The following TAF3 variants were observed in gnomAD, a reference collection of about 807,000 sequenced individuals.
The protein encoded by TAF3 is TATA-box binding protein associated factor 3.
Under a neutral mutation model 80.6 loss-of-function variants are expected in TAF3, and 7 were observed. The ratio of observed to expected loss-of-function variants is 0.09; its 90% CI spans 0.05 to 0.16. TAF3 has a LOEUF of 0.16. Among genes scored for constraint, TAF3 ranks in the 10% least tolerant of loss-of-function variants. The probability of loss-of-function intolerance (pLI) is 1.00; values close to 1 mark genes in which losing one functional copy is unlikely to be tolerated. For synonymous variants in TAF3, 444 were observed against 446.1 expected, an observed-to-expected ratio of 1.00 and a Z score of 0.06; for missense variants, 921 against 1,140.2, an observed-to-expected ratio of 0.81 and a Z score of 2.77.
intron 2 of TAF3, among the ~76,000 whole-genome samples, chr10:7,937,582 G>T (rs1837932914): frequency 6.6e-6 from 1 of 152,054 alleles, no homozygotes; most frequent in Non-Finnish European, 1.5e-5. Context: ...GTATATTTAG[G>T]TGACAGTCCT....
Position 7,964,668 on chromosome 10 carries a change from G to C in TAF3, c.1158G>C (p.Thr386=). The change falls in exon 3 of 7, where the codon ACG becomes ACC. Residue 386 remains threonine, a synonymous_variant. Transcript: ENST00000344293. This position sits in a 1 kb window ranked among gnomAD's most constrained non-coding sequence, Gnocchi z 4.1. ...QPKKAVVADK[T]IEASIDAVIA... ...AAAAGGCTGTGGTAGCAGATAAAACGATTGAGGCCTCTATCGATGCTGTGA... is the reference window on the plus strand; with the variant it reads ...AAAAGGCTGTGGTAGCAGATAAAACCATTGAGGCCTCTATCGATGCTGTGA... The C allele has an allele frequency of 1.2e-6, 2 of 1,614,202 alleles. No individual in the cohort carries two copies. The highest frequency in any genetic ancestry group is 1.7e-6 in the Non-Finnish European group (2 of 1,180,038).
chr10:7,818,860 C>G lies in TAF3; in HGVS notation c.151C>G (p.Arg51Gly). 1 of 1,518,424 alleles carries G rather than the reference C, an allele frequency of 6.6e-7. No homozygotes were observed. The highest frequency in any genetic ancestry group is 1.4e-5 in the African/African-American group (1 of 69,734). The allele number at this position is 1,518,424 out of a possible 1,614,324, so 94.1% of individuals were successfully genotyped here. ...YLQQLGRGCH[R>G]YSELYGRTDP... ...GCAGCAGCTGGGCCGGGGCTGCCAT[C>G]GGTACTCTGAGCTCTGTGAGTACCG... The change falls in exon 1 of 7, where the codon CGG (arginine) becomes GGG (glycine). Residue 51 changes from arginine (R) to glycine (G), a missense_variant. Around this residue, in one of 6 missense-constraint regions of TAF3, gnomAD observed 106 missense variants for 191.8 expected, o/e 0.55. Coordinates refer to ENST00000344293, the MANE Select transcript of TAF3 (RefSeq NM_031923.4).
intron 2 of TAF3, among the ~76,000 whole-genome samples, chr10:7,938,144 A>G (rs1169761404): frequency 3.3e-5 from 5 of 152,230 alleles, no homozygotes; most frequent in Non-Finnish European, 7.3e-5. Context: ...ATAAACATAT[A>G]TTTTTAGATA....
chr10:8,004,200 G>A (rs546835969), intron 4 of TAF3, among the ~76,000 whole-genome samples: 2 of 151,972 alleles, frequency 1.3e-5, no homozygotes, highest in Non-Finnish European at 2.9e-5. Flanking sequence ...ACAGGTCTGC[G>A]CCATCACACC....
intron 4 of TAF3, among the ~76,000 whole-genome samples, chr10:7,986,265 C>G (rs931553921): frequency 6.6e-6 from 1 of 152,024 alleles, no homozygotes. Flanking sequence ...GCTCATATTT[C>G]TCCTTCAAGA....
intron 4 of TAF3, among the ~76,000 whole-genome samples, chr10:7,990,270 ATG>A (rs1266864215): frequency 6.6e-6 from 1 of 152,232 alleles, no homozygotes; most frequent in African/African-American, 2.4e-5. Context: ...AATGAACAGA[ATG>A]AGTAAATCAC....
intron 4 of TAF3, among the ~76,000 whole-genome samples, chr10:7,979,035 C>G (rs936622526): frequency 6.6e-6 from 1 of 151,926 alleles, no homozygotes; most frequent in Non-Finnish European, 1.5e-5. Context: ...GAGCCAGATC[C>G]TGTCTCTAAA....
intron 2 of TAF3, among the ~76,000 whole-genome samples, chr10:7,935,331 C>G (rs1006487983): frequency 1.5e-4 from 22 of 151,548 alleles, no homozygotes; most frequent in Non-Finnish European, 2.4e-4. Context: ...GGCGCGGTGG[C>G]TTATGCCTGT....
chr10:7,831,902 T>A (rs1836804354), intron 2 of TAF3, among the ~76,000 whole-genome samples: 2 of 151,692 alleles, frequency 1.3e-5, no homozygotes, highest in South Asian at 4.2e-4. Context: ...TAATTTTTTT[T>A]AATTATAAAA....
At chr10:7,982,702 A>G (rs914847352) in intron 4 of TAF3, among the ~76,000 whole-genome samples, 1 of 152,160 alleles carries the variant, frequency 6.6e-6, no homozygotes, top group Admixed American at 6.5e-5. Context: ...GCTTGACTGA[A>G]ATACATTTTT....
rs571334498 is a variant in TAF3 at position 7,958,709 on chromosome 10, G to A, written c.410-5211G>A. Among the ~76,000 whole-genome samples the A allele has an allele frequency of 2.5e-4, 38 of 152,306 alleles. 2 individuals are homozygous for A. Among genetic ancestry groups the A allele is most frequent in the African/African-American group, 8.7e-4 (36 of 41,558 alleles). ...CTCTTCTGAAGCAGGCGATGGCCTC[G>A]CAGGTGTTCACTGATTATTATGCTT... is the stretch of plus-strand genomic sequence containing the variant. On this transcript the variant is annotated intron_variant, in intron 2 of 6. Transcript: ENST00000344293.
chr10:7,976,765 A>G (rs747567865), intron 3 of TAF3, among the ~76,000 whole-genome samples: 14 of 152,130 alleles, frequency 9.2e-5, no homozygotes, highest in Admixed American at 2.0e-4. Context: ...TGAACAGTTG[A>G]ATGGTACAAT....
chr10:7,944,093 TTGTGTGTGTGTGTGTGTGTGTGTGTG>T (rs35219363), intron 2 of TAF3, among the ~76,000 whole-genome samples: 9 of 137,176 alleles, frequency 6.6e-5, no homozygotes, highest in African/African-American at 2.5e-4. Flanking sequence ...ATGTTCATGC[TTGTGTGTGTGTGTGTGTGTGTGTGTG>T]TGTGTGTGTG....
intron 2 of TAF3, among the ~76,000 whole-genome samples, chr10:7,882,212 A>G (rs1588537216): frequency 1.3e-5 from 2 of 152,250 alleles, no homozygotes; most frequent in East Asian, 1.9e-4. Context: ...TGCAGAGATC[A>G]TCTTATTGGA....
chr10:7,944,866 C>G (rs765761997), intron 2 of TAF3, among the ~76,000 whole-genome samples: 3 of 152,162 alleles, frequency 2.0e-5, no homozygotes, highest in African/African-American at 7.2e-5. Context: ...TCTAAAATAG[C>G]TTTAGAGCCC....
chr10:7,879,450 C>T lies in TAF3; in HGVS notation c.409+54890C>T, dbSNP rs549485322. Among the ~76,000 whole-genome samples, 5 of 152,266 alleles carry T rather than the reference C, an allele frequency of 3.3e-5. No homozygotes were observed. In the South Asian group the frequency reaches 1.0e-3, roughly 32 times the overall value. The stretch of plus-strand genomic sequence containing the variant: ...TTATACATGAAATGAAATAATGACA[C>T]CCACCCTCATCTTTGTACAAGATTA... On this transcript the variant is annotated intron_variant, in intron 2 of 6. Coordinates refer to ENST00000344293, the MANE Select transcript of TAF3 (RefSeq NM_031923.4).
rs1431960685 is a variant in TAF3, at chr10:8,016,613, G to T, written c.*1862G>T. 1 of 152,152 alleles carries T rather than the reference G, an allele frequency of 6.6e-6. No individual in the cohort carries two copies. Among genetic ancestry groups the T allele is most frequent in the Non-Finnish European group, 1.5e-5 (1 of 68,026 alleles). 9.4% of individuals were successfully genotyped at this position (152,152 alleles called of 1,614,324 possible). A position where few individuals can be genotyped will look rare whatever the true frequency, so the allele number is the denominator to read the frequency against. Reference sequence around the variant, plus strand: ...AGGGGTGGGGGAAGTGCAAAATAAAGATTATTGGCTATTTCATAGTTTGCT... The same window carrying T: ...AGGGGTGGGGGAAGTGCAAAATAAATATTATTGGCTATTTCATAGTTTGCT... On this transcript the variant is annotated 3_prime_UTR_variant, in exon 7 of 7. Coordinates refer to ENST00000344293, the MANE Select transcript of TAF3 (RefSeq NM_031923.4).
chr10:7,891,012 C>T (rs975121932), intron 2 of TAF3, among the ~76,000 whole-genome samples: 1 of 152,214 alleles, frequency 6.6e-6, no homozygotes, highest in Non-Finnish European at 1.5e-5. Context: ...TGCCAGTACA[C>T]ATGGAAGCGT....
chr10:7,862,461 T>G (rs1032618379), intron 2 of TAF3, among the ~76,000 whole-genome samples: 1 of 152,200 alleles, frequency 6.6e-6, no homozygotes, highest in Non-Finnish European at 1.5e-5. Context: ...AGGTTTTGAT[T>G]TGTGTGTGTA....
Sources: gnomAD v4.1 joint callset for allele counts (sites outside exome capture counted in the v4.1 genomes callset) on GRCh38, gnomAD v4.1.1 for gene constraint, gnomAD v4.1.1 regional missense constraint, Gnocchi (gnomAD v3.1) non-coding constraint, MANE v1.5 for transcripts, NCBI Gene and HGNC (gene_info 2026-07-23, HGNC 2026-07-21) for gene names.